Variants in PXDNL observed in about 807,000 individuals in gnomAD.
PXDNL encodes peroxidasin like.
In PXDNL, 145 loss-of-function variants were observed where a neutral mutation model predicts 150.8. The ratio of observed to expected loss-of-function variants is 0.96; its 90% CI spans 0.84 to 1.10. PXDNL has a LOEUF of 1.10. PXDNL is among the 50% of genes least tolerant of loss of function. The probability of loss-of-function intolerance (pLI) is 0.00; values close to 1 mark genes in which losing one functional copy is unlikely to be tolerated. For missense variants in PXDNL, 2,087 were observed against 1,873.9 expected (o/e 1.11, Z -2.10); for synonymous variants, 757 against 725.7 (o/e 1.04, Z -0.69).
intron 8 of PXDNL, among the ~76,000 whole-genome samples, 154 bp downstream of exon 8, chr8:51,472,029 TTGAG>T (rs1189185354): frequency 1.3e-5 from 2 of 152,298 alleles, no homozygotes; most frequent in East Asian, 3.9e-4. Context: ...TTAACATAGC[TTGAG>T]TAAGTCAACA....
At chr8:51,379,030 A>G (rs1807451807) in intron 17 of PXDNL, among the ~76,000 whole-genome samples, 1 of 152,156 alleles carries the variant, frequency 6.6e-6, no homozygotes, top group South Asian at 2.1e-4. Context: ...TCCTCTTGCC[A>G]CAGCGCTAGG....
At chr8:51,560,345 C>T (rs1467288364) in intron 3 of PXDNL, among the ~76,000 whole-genome samples, 1 of 151,764 alleles carries the variant, frequency 6.6e-6, no homozygotes, top group Non-Finnish European at 1.5e-5. Context: ...TTTCAAGAGG[C>T]CCTGAACAGT....
At chr8:51,504,257 AAATGGCTTTT>A (rs1430930648) in intron 4 of PXDNL, among the ~76,000 whole-genome samples, 2 of 152,216 alleles carry the variant, frequency 1.3e-5, no homozygotes, top group Non-Finnish European at 2.9e-5. Flanking sequence ...TAAGACCCTT[AAATGGCTTTT>A]AATTTCTATA....
intron 4 of PXDNL, among the ~76,000 whole-genome samples, chr8:51,545,053 C>T (rs115679366): frequency 0.019 from 2,831 of 152,218 alleles, 37 homozygotes; most frequent in African/African-American, 0.034. Context: ...AAAATTCTCT[C>T]TGAATAGTGA....
At chr8:51,769,417 C>T (rs1212252066) in intron 1 of PXDNL, among the ~76,000 whole-genome samples, 3 of 152,236 alleles carry the variant, frequency 2.0e-5, no homozygotes, top group Admixed American at 2.0e-4. Context: ...TGTCTCTACT[C>T]TTACTCCAAC....
At chr8:51,385,305 C>T (rs994127) in intron 17 of PXDNL, among the ~76,000 whole-genome samples, 85,124 of 151,278 alleles carry the variant, frequency 0.56, 27,805 homozygotes, top group Non-Finnish European at 0.71. Flanking sequence ...TACATCATAA[C>T]CACAGAAGCA....
intron 18 of PXDNL, among the ~76,000 whole-genome samples, chr8:51,373,806 T>A (rs1439294418): frequency 6.6e-6 from 1 of 152,176 alleles, no homozygotes. Flanking sequence ...AACACTAAGC[T>A]TCACTAATGA....
At chr8:51,412,206 T>C (rs751627558) in intron 15 of PXDNL, among the ~76,000 whole-genome samples, 81 of 152,220 alleles carry the variant, frequency 5.3e-4, no homozygotes, top group Non-Finnish European at 1.0e-3. Flanking sequence ...ATGTCTTGAA[T>C]CTTAACTACT....
At chr8:51,743,949 A>G (rs571683717) in intron 1 of PXDNL, among the ~76,000 whole-genome samples, 5 of 16,944 alleles carry the variant, frequency 3.0e-4, no homozygotes, top group Admixed American at 2.2e-3. Flanking sequence ...GGAGAGAAAG[A>G]GAGAAAGAAA....
At chr8:51,470,941 G>A (rs1465289879) in intron 8 of PXDNL, among the ~76,000 whole-genome samples, 3 of 151,024 alleles carry the variant, frequency 2.0e-5, no homozygotes, top group Non-Finnish European at 2.9e-5. Context: ...GCTTCATGAC[G>A]AAAACATGAA....
intron 8 of PXDNL, among the ~76,000 whole-genome samples, chr8:51,467,151 A>G (rs929757157): frequency 6.6e-6 from 1 of 152,152 alleles, no homozygotes; most frequent in African/African-American, 2.4e-5. Context: ...GTTCCTATCA[A>G]TGGTGGACTG....
chr8:51,439,240 C>T (rs1468992753), intron 12 of PXDNL, among the ~76,000 whole-genome samples: 1 of 151,892 alleles, frequency 6.6e-6, no homozygotes, highest in African/African-American at 2.4e-5. Flanking sequence ...AAAAAACAAA[C>T]AATCCATCAA....
intron 8 of PXDNL, among the ~76,000 whole-genome samples, chr8:51,469,067 G>C (rs1023864555): frequency 2.6e-5 from 4 of 151,906 alleles, no homozygotes; most frequent in Non-Finnish European, 5.9e-5. Flanking sequence ...CCTGAATAAA[G>C]CTCTATTCTT....
chr8:51,509,834 C>T (rs1331330300), intron 4 of PXDNL, among the ~76,000 whole-genome samples: 9 of 148,198 alleles, frequency 6.1e-5, no homozygotes, highest in Non-Finnish European at 9.0e-5. Context: ...GTGTATATAC[C>T]GATTTAAATA....
At chr8:51,737,101 C>T (rs1817053531) in intron 1 of PXDNL, among the ~76,000 whole-genome samples, 1 of 152,154 alleles carries the variant, frequency 6.6e-6, no homozygotes, top group African/African-American at 2.4e-5. Flanking sequence ...TCAATATCCT[C>T]AAGATTCCAG....
At chr8:51,358,139 TATG>T (rs1461746603) in intron 19 of PXDNL, among the ~76,000 whole-genome samples, 2 of 152,202 alleles carry the variant, frequency 1.3e-5, no homozygotes, top group South Asian at 2.1e-4. Context: ...AGAAACCTAT[TATG>T]ATAAGTTTCA....
chr8:51,577,982 A>G (rs1269712517), intron 3 of PXDNL, among the ~76,000 whole-genome samples: 82 of 96,966 alleles, frequency 8.5e-4, no homozygotes, highest in Middle Eastern at 5.0e-3. Context: ...AAAGAAAGAA[A>G]GAAAGAAAGA....
chr8:51,453,464 A>G (rs1809853733), intron 10 of PXDNL, 55 bp downstream of exon 10: 1 of 1,559,850 alleles, frequency 6.4e-7, no homozygotes, highest in Non-Finnish European at 8.8e-7. Flanking sequence ...GTTGAAAAAT[A>G]ATTTTCTGAG....
intron 7 of PXDNL, among the ~76,000 whole-genome samples, chr8:51,474,284 C>T (rs1045300655): frequency 2.6e-5 from 4 of 151,726 alleles, no homozygotes; most frequent in Non-Finnish European, 5.9e-5. Flanking sequence ...CTATTTAAAC[C>T]GAAATATAGG....
Sources: allele counts gnomAD v4.1 joint callset (sites outside exome capture counted in the v4.1 genomes callset), GRCh38; gene constraint gnomAD v4.1.1; transcripts MANE v1.5; gene names NCBI Gene and HGNC (gene_info 2026-07-23, HGNC 2026-07-21).